Variants in CASP5 observed in about 807,000 individuals in gnomAD.
The protein encoded by CASP5 is caspase 5, also known as caspase-5.
CASP5 carries 42 observed loss-of-function variants against 45.2 expected under a neutral mutation model. The ratio of observed to expected loss-of-function variants is 0.93; its 90% CI spans 0.73 to 1.20. The LOEUF is 1.20. Ranked by LOEUF, CASP5 falls within the 50% of genes most tolerant of loss-of-function variation. CASP5 has a pLI of 0.00. For missense variants in CASP5, 512 were observed against 532.2 expected (o/e 0.96, Z 0.37); for synonymous variants, 209 against 186.2 (o/e 1.12, Z -1.00).
chr11:105,009,716 C>CACATATATATATATATATATATATAT lies in CASP5; in HGVS notation c.8-737_8-736insATATATATATATATATATATATATGT, dbSNP rs1565387557. On this transcript the variant is annotated intron_variant, in intron 1 of 9. Coordinates refer to ENST00000260315, the MANE Select transcript of CASP5 (RefSeq NM_004347.5). ...ATTTTTACCAGGAGATATATATATA[C>CACATATATATATATATATATATATAT]ACACATATATATATATATATATATA... is the stretch of plus-strand genomic sequence containing the variant. Among the ~76,000 whole-genome samples, 52 of 48,066 alleles carry CACATATATATATATATATATATATAT rather than the reference C, an allele frequency of 1.1e-3. 1 individual carries two copies. The highest frequency in any genetic ancestry group is 5.4e-3 in the African/African-American group (50 of 9,206). The allele number at this position is 48,066 out of a possible 152,430, so 31.5% of individuals were successfully genotyped here.
chr11:105,013,842 T>C (rs1429216190), intron 1 of CASP5, among the ~76,000 whole-genome samples: 1 of 152,110 alleles, frequency 6.6e-6, no homozygotes, highest in Non-Finnish European at 1.5e-5. Context: ...AACTTCCAAG[T>C]GCGGGAAGGC....
chr11:104,994,830 T>C (rs1395913298), intron 9 of CASP5, among the ~76,000 whole-genome samples: 1 of 152,262 alleles, frequency 6.6e-6, no homozygotes, highest in African/African-American at 2.4e-5. Flanking sequence ...ACTCTGTGCA[T>C]TCTTTATTCC....
chr11:105,000,539 A>G, intron 5 of CASP5, 44 bp from the exon 6 acceptor site: 1 of 1,547,384 alleles, frequency 6.5e-7, no homozygotes, highest in South Asian at 1.1e-5. Flanking sequence ...AAGCATCACA[A>G]TTAATAGGAC....
chr11:105,017,126 G>T (rs1358776311), intron 1 of CASP5, among the ~76,000 whole-genome samples: 1 of 151,820 alleles, frequency 6.6e-6, no homozygotes, highest in Non-Finnish European at 1.5e-5. Context: ...CTAACAAACA[G>T]AAAGGACATC....
At chr11:105,006,490 C>T (rs1053271649) in intron 3 of CASP5, among the ~76,000 whole-genome samples, 4 of 152,140 alleles carry the variant, frequency 2.6e-5, no homozygotes, top group African/African-American at 4.8e-5. Context: ...AAGTGGAGCA[C>T]GTTTATTCTG....
chr11:104,998,848 AC>A (rs757324143), intron 7 of CASP5, 36 bp downstream of exon 7: 16 of 1,601,528 alleles, frequency 1.0e-5, no homozygotes, highest in Non-Finnish European at 1.3e-5. Flanking sequence ...TGGCCTCAGC[AC>A]CCCCAAATTT....
At chr11:105,021,585 A>G (rs1373106470) in intron 1 of CASP5, among the ~76,000 whole-genome samples, 1 of 149,916 alleles carries the variant, frequency 6.7e-6, no homozygotes, top group African/African-American at 2.4e-5. Context: ...GCCATCAGAG[A>G]AATGCAAATC....
intron 1 of CASP5, among the ~76,000 whole-genome samples, chr11:105,009,903 A>G (rs1048355147): frequency 7.7e-6 from 1 of 130,428 alleles, no homozygotes; most frequent in African/African-American, 3.2e-5. Context: ...ATATACATAT[A>G]TATACACATA....
intron 7 of CASP5, among the ~76,000 whole-genome samples, chr11:104,998,422 C>T (rs2134692006): frequency 6.6e-6 from 1 of 152,200 alleles, no homozygotes; most frequent in East Asian, 1.9e-4. Flanking sequence ...AAAGCTCATT[C>T]ACATTTTTAT....
intron 8 of CASP5, among the ~76,000 whole-genome samples, chr11:104,996,184 C>A (rs1861465265): frequency 6.6e-6 from 1 of 152,090 alleles, no homozygotes; most frequent in South Asian, 2.1e-4. Context: ...GTACTTTCAA[C>A]CCCCACCAAC....
At chr11:105,001,932 G>T in intron 5 of CASP5, 96 bp downstream of exon 5, 1 of 1,238,114 alleles carries the variant, frequency 8.1e-7, no homozygotes, top group East Asian at 2.3e-5. Context: ...GAACCCAGAG[G>T]TTGTTAAACC....
chr11:105,016,576 C>T (rs1439886007), intron 1 of CASP5, among the ~76,000 whole-genome samples: 1 of 152,150 alleles, frequency 6.6e-6, no homozygotes, highest in East Asian at 1.9e-4. Context: ...GGGTCACTTC[C>T]ACCCGAATAC....
chr11:105,021,084 G>T (rs1402013126), intron 1 of CASP5, among the ~76,000 whole-genome samples: 1 of 151,976 alleles, frequency 6.6e-6, no homozygotes, highest in Non-Finnish European at 1.5e-5. Flanking sequence ...AATAAATGGT[G>T]CTGGGAAAAC....
chr11:105,001,575 C>T (rs935829360), intron 5 of CASP5, among the ~76,000 whole-genome samples: 2 of 152,240 alleles, frequency 1.3e-5, no homozygotes, highest in East Asian at 1.9e-4. Context: ...GCAGGAGAAT[C>T]GCTTGTGGAA....
intron 7 of CASP5, 105 bp downstream of exon 7, chr11:104,998,780 A>C (rs1282592396): frequency 9.1e-7 from 1 of 1,100,482 alleles, no homozygotes; most frequent in East Asian, 2.4e-5. Flanking sequence ...AGCACACACC[A>C]TTCTCTCAGC....
intron 1 of CASP5, among the ~76,000 whole-genome samples, chr11:105,015,766 A>AAT (rs1862558604): frequency 6.8e-6 from 1 of 147,690 alleles, no homozygotes; most frequent in Admixed American, 6.7e-5. Flanking sequence ...AAAAAAAAAA[A>AAT]TTTAAAAGCA....
intron 1 of CASP5, among the ~76,000 whole-genome samples, chr11:105,010,095 C>T (rs554106075): frequency 1.8e-4 from 27 of 150,530 alleles, no homozygotes; most frequent in Non-Finnish European, 3.4e-4. Context: ...AGCTTTCACA[C>T]AAAATACATT....
intron 5 of CASP5, among the ~76,000 whole-genome samples, chr11:105,001,233 T>C (rs1861709153): frequency 6.6e-6 from 1 of 152,214 alleles, no homozygotes; most frequent in African/African-American, 2.4e-5. Flanking sequence ...AATTGTCCGG[T>C]TTCGTTTATA....
intron 1 of CASP5, among the ~76,000 whole-genome samples, chr11:105,021,510 G>C (rs1017222002): frequency 2.0e-5 from 3 of 150,722 alleles, no homozygotes; most frequent in Admixed American, 6.7e-5. Context: ...GACATGAACA[G>C]ACACTTCTCA....
Sources: allele counts gnomAD v4.1 joint callset (sites outside exome capture counted in the v4.1 genomes callset), GRCh38; gene constraint gnomAD v4.1.1; transcripts MANE v1.5; gene names NCBI Gene and HGNC (gene_info 2026-07-23, HGNC 2026-07-21).